SPECC1: variants seen among roughly 807,000 people sequenced by gnomAD.
SPECC1 encodes the protein sperm antigen with calponin homology and coiled-coil domains 1, also known as cytospin-B.
In SPECC1, 62 loss-of-function variants were observed where a neutral mutation model predicts 104.1. The observed-to-expected ratio is 0.60, with a 90% CI of 0.49 to 0.74. The LOEUF is 0.74. Among genes scored for constraint, SPECC1 ranks in the 30% least tolerant of loss-of-function variants. SPECC1 has a pLI of 0.00. For missense variants in SPECC1, 1,306 were observed against 1,310.5 expected, an observed-to-expected ratio of 1.00 and a Z score of 0.05; for synonymous variants, 513 against 501.6, an observed-to-expected ratio of 1.02 and a Z score of -0.30.
intron 1 of SPECC1, among the ~76,000 whole-genome samples, chr17:20,037,047 T>C (rs1388597345): frequency 1.3e-5 from 2 of 152,238 alleles, no homozygotes; most frequent in Non-Finnish European, 2.9e-5. Context: ...AAATGCTTTT[T>C]TCTGCATTGA....
At chr17:20,180,274 G>C (rs2034782182) in intron 3 of SPECC1, among the ~76,000 whole-genome samples, 1 of 152,154 alleles carries the variant, frequency 6.6e-6, no homozygotes, top group Non-Finnish European at 1.5e-5. Flanking sequence ...AAACAGTAAA[G>C]CCAAATGAGC....
chr17:20,302,028 A>G (rs1044192821), intron 13 of SPECC1, among the ~76,000 whole-genome samples: 2 of 152,186 alleles, frequency 1.3e-5, no homozygotes, highest in Non-Finnish European at 2.9e-5. Flanking sequence ...TATTGTTTTC[A>G]GTAAAAAGAT....
At chr17:20,183,020 T>C (rs868421240) in intron 3 of SPECC1, among the ~76,000 whole-genome samples, 4 of 152,138 alleles carry the variant, frequency 2.6e-5, no homozygotes, top group African/African-American at 9.7e-5. Context: ...CATTATAAAA[T>C]ATGCTGAAAT....
In SPECC1 at chr17:20,167,082, G is replaced by C. The variant is rs2033713956; in HGVS notation, c.284-37251G>C. On this transcript the variant is annotated intron_variant, in intron 3 of 14. Transcript: ENST00000395527. Reference sequence around the variant, plus strand: ...GTAAAGTTTTAGTTAGACTCATCAAGAAATAGGATAACACAAATACCCCAA... The same window carrying C: ...GTAAAGTTTTAGTTAGACTCATCAACAAATAGGATAACACAAATACCCCAA... Among the ~76,000 whole-genome samples, 5 of 150,314 alleles carry C rather than the reference G, an allele frequency of 3.3e-5. No individual in the cohort carries two copies. In the South Asian group the frequency reaches 8.4e-4, roughly 25 times the overall value.
intron 3 of SPECC1, among the ~76,000 whole-genome samples, chr17:20,152,126 C>A (rs1248730452): frequency 1.3e-5 from 2 of 151,816 alleles, no homozygotes; most frequent in African/African-American, 4.8e-5. Flanking sequence ...CATGGTGAAA[C>A]CCCATCTCTA....
chr17:20,028,620 C>T (rs891135023), intron 1 of SPECC1, among the ~76,000 whole-genome samples: 3 of 152,138 alleles, frequency 2.0e-5, no homozygotes, highest in Non-Finnish European at 2.9e-5. Flanking sequence ...GTTGCTGTGT[C>T]GTAACATTTG....
intron 1 of SPECC1, among the ~76,000 whole-genome samples, chr17:20,013,345 A>G (rs2044005325): frequency 6.6e-6 from 1 of 152,218 alleles, no homozygotes; most frequent in Non-Finnish European, 1.5e-5. Context: ...TTCAGTTTCC[A>G]TACATCCTTG....
chr17:20,301,532 T>A (rs1273589469), intron 13 of SPECC1, among the ~76,000 whole-genome samples: 1 of 152,104 alleles, frequency 6.6e-6, no homozygotes, highest in African/African-American at 2.4e-5. Context: ...TAGCCCAGAA[T>A]GTATAGAAAT....
chr17:20,028,849 G>A (rs1301858065), intron 1 of SPECC1, among the ~76,000 whole-genome samples: 3 of 149,254 alleles, frequency 2.0e-5, no homozygotes, highest in Non-Finnish European at 4.4e-5. Flanking sequence ...TGCAACCTCT[G>A]CCTCCTGGGT....
In SPECC1 at chr17:20,204,715, G is replaced by A. The variant is rs772618752; in HGVS notation, c.666G>A (p.Thr222=). The change falls in exon 4 of 15, where the codon ACG becomes ACA. Residue 222 remains threonine (T), a synonymous_variant. Coordinates refer to ENST00000395527, the MANE Select transcript of SPECC1 (RefSeq NM_001243439.2). ...GAACATCAGTCTCCCCAGGTGACAC[G>A]GAACCTATGATAAGAGCTCTTGAGG... ...VDGTSVSPGD[T]EPMIRALEEK... is the part of the protein sequence containing the mutation. 9 of 1,613,902 alleles carry A rather than the reference G, an allele frequency of 5.6e-6. No individual in the cohort carries two copies. The highest frequency in any genetic ancestry group is 3.3e-5 in the Admixed American group (2 of 59,980).
At position 20,170,166 on chromosome 17, in the gene SPECC1, G is replaced by A. The variant is rs143317144; in HGVS notation, c.284-34167G>A. Among the ~76,000 whole-genome samples, 102 of 152,308 alleles carry A rather than the reference G, an allele frequency of 6.7e-4. 1 individual carries two copies. The highest frequency in any genetic ancestry group is 2.4e-3 in the African/African-American group (99 of 41,552). On this transcript the variant is annotated intron_variant, in intron 3 of 14. Coordinates refer to ENST00000395527, the MANE Select transcript of SPECC1 (RefSeq NM_001243439.2). ...CCAGGATGTGTGTTGTTTGGCATCT[G>A]CCTTCACATGGACATTGTGCTGCAG...
chr17:20,209,400 T>C (rs1423080016), intron 4 of SPECC1, among the ~76,000 whole-genome samples: 1 of 152,156 alleles, frequency 6.6e-6, no homozygotes, highest in East Asian at 1.9e-4. Context: ...TCTATGTAAG[T>C]TTCAAGTTAA....
intron 12 of SPECC1, among the ~76,000 whole-genome samples, chr17:20,270,315 G>T (rs975208977): frequency 6.6e-6 from 1 of 151,084 alleles, no homozygotes; most frequent in Non-Finnish European, 1.5e-5. Flanking sequence ...ACAGTGTTAT[G>T]AACAGACACG....
At chr17:20,069,791 TACTC>T (rs1437739247) in intron 1 of SPECC1, among the ~76,000 whole-genome samples, 14 of 152,130 alleles carry the variant, frequency 9.2e-5, no homozygotes, top group African/African-American at 2.7e-4. Context: ...ACTTTCCACT[TACTC>T]ATACATATTG....
chr17:20,290,248 C>G (rs2041118113), intron 12 of SPECC1: 1 of 151,810 alleles, frequency 6.6e-6, no homozygotes, highest in Non-Finnish European at 1.5e-5. Flanking sequence ...AGTTACAGAT[C>G]AAGAACTAGT....
intron 1 of SPECC1, among the ~76,000 whole-genome samples, chr17:20,048,432 C>T (rs979056205): frequency 6.6e-6 from 1 of 151,992 alleles, no homozygotes; most frequent in African/African-American, 2.4e-5. Flanking sequence ...TGCGCCCAGC[C>T]GAGAAGTGAG....
intron 4 of SPECC1, among the ~76,000 whole-genome samples, chr17:20,208,784 T>C (rs1039891253): frequency 1.3e-5 from 2 of 152,226 alleles, no homozygotes; most frequent in Non-Finnish European, 1.5e-5. Context: ...ATGCAAGTAT[T>C]TGCTAAGAGG....
chr17:20,226,717 G>T (rs559192948), intron 4 of SPECC1, among the ~76,000 whole-genome samples: 1 of 152,128 alleles, frequency 6.6e-6, no homozygotes, highest in African/African-American at 2.4e-5. Flanking sequence ...CGATTGTGCC[G>T]TGCCACTTTT....
chr17:20,014,903 C>T (rs2044061750), intron 1 of SPECC1, among the ~76,000 whole-genome samples: 3 of 152,074 alleles, frequency 2.0e-5, no homozygotes, highest in South Asian at 4.1e-4. Context: ...TACAGATGTG[C>T]ACCACCATAC....
Sources: gnomAD v4.1 joint callset for allele counts (sites outside exome capture counted in the v4.1 genomes callset) on GRCh38, gnomAD v4.1.1 for gene constraint, MANE v1.5 for transcripts, NCBI Gene and HGNC (gene_info 2026-07-23, HGNC 2026-07-21) for gene names.